Variants in SLC49A4 observed in about 807,000 individuals in gnomAD.
SLC49A4 encodes the protein disrupted in renal cancer protein 2.
A neutral mutation model predicts 50.6 loss-of-function variants in SLC49A4; 36 were observed. That is an observed-to-expected ratio of 0.71 (90% CI 0.55 to 0.94). The LOEUF is 0.94. Among genes scored for constraint, SLC49A4 ranks in the 40% least tolerant of loss-of-function variants. SLC49A4 has a pLI of 0.00. For missense variants in SLC49A4, 503 were observed against 605.7 expected (o/e 0.83, Z 1.78); for synonymous variants, 248 against 241.2 (o/e 1.03, Z -0.26).
At chr3:122,849,383 G>A (rs957202600) in intron 5 of SLC49A4, among the ~76,000 whole-genome samples, 12 of 151,996 alleles carry the variant, frequency 7.9e-5, no homozygotes, top group Non-Finnish European at 1.6e-4. Context: ...TCTATTTTTC[G>A]TTTTCTACGG....
intron 2 of SLC49A4, among the ~76,000 whole-genome samples, chr3:122,812,632 C>A (rs1216959917): frequency 6.6e-6 from 1 of 152,130 alleles, no homozygotes; most frequent in Non-Finnish European, 1.5e-5. Context: ...GAACTACTTT[C>A]CTAGTTCCCT....
intron 2 of SLC49A4, among the ~76,000 whole-genome samples, chr3:122,815,087 C>G (rs1053574149): frequency 2.6e-5 from 4 of 151,746 alleles, no homozygotes; most frequent in Non-Finnish European, 5.9e-5. Context: ...AGGCAGGTGA[C>G]TGCATCTTCT....
At chr3:122,822,149 C>T (rs1489587651) in intron 2 of SLC49A4, among the ~76,000 whole-genome samples, 3 of 152,168 alleles carry the variant, frequency 2.0e-5, no homozygotes, top group Non-Finnish European at 4.4e-5. Flanking sequence ...GTAATGATGA[C>T]AAACAATTAA....
intron 1 of SLC49A4, among the ~76,000 whole-genome samples, chr3:122,799,944 C>T (rs1395462060): frequency 6.6e-6 from 1 of 152,062 alleles, no homozygotes; most frequent in Non-Finnish European, 1.5e-5. Context: ...AATTTTGGAG[C>T]AGATGGCGTG....
At chr3:122,831,581 A>T (rs1169114922) in intron 3 of SLC49A4, among the ~76,000 whole-genome samples, 1 of 152,132 alleles carries the variant, frequency 6.6e-6, no homozygotes. Flanking sequence ...TATAGGGACT[A>T]AAAGTAGATC....
chr3:122,863,275 G>A (rs917748183), intron 7 of SLC49A4, among the ~76,000 whole-genome samples: 8 of 152,116 alleles, frequency 5.3e-5, no homozygotes, highest in African/African-American at 1.9e-4. Flanking sequence ...AGGTATATAT[G>A]TCTTATCTTC....
chr3:122,840,865 G>A (rs1292196781), intron 4 of SLC49A4, among the ~76,000 whole-genome samples: 1 of 152,086 alleles, frequency 6.6e-6, no homozygotes, highest in Non-Finnish European at 1.5e-5. Context: ...ATTTGCTATC[G>A]TTAGAAAGGA....
chr3:122,815,108 T>C (rs1165557205), intron 2 of SLC49A4, among the ~76,000 whole-genome samples: 6 of 152,066 alleles, frequency 3.9e-5, no homozygotes, highest in South Asian at 2.1e-4. Flanking sequence ...TTTTTTTTTT[T>C]TGAGATGGAG....
chr3:122,860,422 C>G (rs1001271040), intron 7 of SLC49A4, among the ~76,000 whole-genome samples: 1 of 152,096 alleles, frequency 6.6e-6, no homozygotes, highest in Non-Finnish European at 1.5e-5. Flanking sequence ...GAAGTATAAT[C>G]TTTAGCCTTA....
chr3:122,795,351 G>T lies in SLC49A4; in HGVS notation c.159G>T (p.Leu53=). The T allele has an allele frequency of 6.3e-7, 1 of 1,575,706 alleles. No homozygotes were observed. The highest frequency in any genetic ancestry group is 2.4e-5 in the East Asian group (1 of 41,418). Residue 53 remains leucine, a synonymous_variant, in exon 1 of 9, where the codon CTG becomes CTT. Transcript: ENST00000261038. ...GGCGGGTATACGGGCGCCGCTGGCT[G>T]GTGCTGCTGCTCTTCTCGCTGCTGG... ...GPGRVYGRRW[L]VLLLFSLLAF... is the part of the protein sequence containing the mutation.
chr3:122,817,543 TGA>T (rs61637673), intron 2 of SLC49A4, among the ~76,000 whole-genome samples: 11 of 151,106 alleles, frequency 7.3e-5, no homozygotes, highest in African/African-American at 9.7e-5. Context: ...CATGTGTGTG[TGA>T]GAGAGAGAGA....
intron 5 of SLC49A4, among the ~76,000 whole-genome samples, chr3:122,846,073 CA>C (rs1240393855): frequency 3.3e-5 from 5 of 152,112 alleles, no homozygotes. Flanking sequence ...GTGAATTTCA[CA>C]TTTCTGTGGG....
chr3:122,858,673 A>G (rs1256433464), intron 6 of SLC49A4, among the ~76,000 whole-genome samples: 1 of 152,230 alleles, frequency 6.6e-6, no homozygotes. Flanking sequence ...GGACAGTCAC[A>G]TAATTACAAT....
At chr3:122,825,861 G>C (rs1023384567) in intron 2 of SLC49A4, among the ~76,000 whole-genome samples, 1 of 152,108 alleles carries the variant, frequency 6.6e-6, no homozygotes, top group Non-Finnish European at 1.5e-5. Context: ...GTGTATATTG[G>C]GGGTGAGGGA....
chr3:122,839,237 TAAACTC>T (rs1230671288), intron 4 of SLC49A4, among the ~76,000 whole-genome samples: 2 of 152,022 alleles, frequency 1.3e-5, no homozygotes, highest in African/African-American at 4.8e-5. Context: ...TATACAAAAA[TAAACTC>T]AAGATGCATC....
chr3:122,825,051 T>C (rs1331041990), intron 2 of SLC49A4, among the ~76,000 whole-genome samples: 1 of 152,108 alleles, frequency 6.6e-6, no homozygotes, highest in Non-Finnish European at 1.5e-5. Context: ...TGCTTTCTTA[T>C]CAGTCTTTTT....
chr3:122,850,601 G>C (rs1236126930), intron 5 of SLC49A4, among the ~76,000 whole-genome samples: 4 of 151,516 alleles, frequency 2.6e-5, no homozygotes, highest in Non-Finnish European at 2.9e-5. Flanking sequence ...TCAACTTCTT[G>C]GGTTTAAATG....
intron 1 of SLC49A4, among the ~76,000 whole-genome samples, chr3:122,797,952 G>A (rs1279810092): frequency 6.6e-6 from 1 of 152,188 alleles, no homozygotes; most frequent in Non-Finnish European, 1.5e-5. Flanking sequence ...CTGCACTCCA[G>A]CCTCAGTGAC....
Position 122,795,103 on chromosome 3 carries a change from G to T in SLC49A4, c.-90G>T. 1 of 1,223,378 alleles carries T rather than the reference G, an allele frequency of 8.2e-7. No homozygotes were observed. 75.8% of individuals were successfully genotyped at this position (1,223,378 alleles called of 1,614,324 possible). On this transcript the variant is annotated 5_prime_UTR_variant, in exon 1 of 9. Coordinates refer to ENST00000261038, the MANE Select transcript of SLC49A4 (RefSeq NM_032839.3). ...GCCGAGGGCGACCACAGCAGCCTCCGCCTCCTGCTGCTCAGGACTATTCTG... is the reference window on the plus strand; with the variant it reads ...GCCGAGGGCGACCACAGCAGCCTCCTCCTCCTGCTGCTCAGGACTATTCTG...
Sources: allele counts gnomAD v4.1 joint callset (sites outside exome capture counted in the v4.1 genomes callset), GRCh38; gene constraint gnomAD v4.1.1; transcripts MANE v1.5; gene names NCBI Gene and HGNC (gene_info 2026-07-23, HGNC 2026-07-21).